The following DEPDC1B variants were observed in gnomAD, a reference collection of about 807,000 sequenced individuals.
The protein encoded by DEPDC1B is DEP domain-containing protein 1B.
A neutral mutation model predicts 66.5 loss-of-function variants in DEPDC1B; 51 were observed. The ratio of observed to expected loss-of-function variants is 0.77; its 90% CI spans 0.61 to 0.97. The LOEUF (loss-of-function observed/expected upper bound fraction) is 0.97. Ranked by LOEUF, DEPDC1B falls within the 50% of genes least tolerant of loss-of-function variation. The pLI, the probability that DEPDC1B is intolerant of heterozygous loss-of-function variation, is 0.00. For missense variants in DEPDC1B, 552 were observed against 637.1 expected (o/e 0.87, Z 1.44); for synonymous variants, 226 against 223.6 (o/e 1.01, Z -0.10).
intron 7 of DEPDC1B, among the ~76,000 whole-genome samples, chr5:60,609,551 C>A (rs1160621611): frequency 1.3e-5 from 2 of 152,124 alleles, no homozygotes; most frequent in African/African-American, 4.8e-5. Flanking sequence ...GCTAAAAGAG[C>A]AGCATGAAAG....
At position 60,661,268 on chromosome 5, in the gene DEPDC1B, G is replaced by A. The variant is rs368930650; in HGVS notation, c.315-13735C>T. Among the ~76,000 whole-genome samples the A allele has an allele frequency of 9.2e-5, 14 of 152,200 alleles. No individual in the cohort carries two copies. In the East Asian group the frequency reaches 1.5e-3, roughly 17 times the overall value. ...CAGAAGCCTGGAACCCTTTCTTTGTGGTCAAGAAAAGCAGGAAAAGGGGTG... is the reference window on the plus strand; with the variant it reads ...CAGAAGCCTGGAACCCTTTCTTTGTAGTCAAGAAAAGCAGGAAAAGGGGTG... On this transcript the variant is annotated intron_variant, in intron 2 of 10. Transcript: ENST00000265036.
At chr5:60,645,117 A>C (rs1753279799) in intron 4 of DEPDC1B, among the ~76,000 whole-genome samples, 1 of 152,198 alleles carries the variant, frequency 6.6e-6, no homozygotes, top group Non-Finnish European at 1.5e-5. Context: ...TAATTTTGTA[A>C]GTAAAAATAC....
chr5:60,639,230 T>G (rs1310685401), intron 6 of DEPDC1B, among the ~76,000 whole-genome samples: 1 of 152,202 alleles, frequency 6.6e-6, no homozygotes, highest in African/African-American at 2.4e-5. Context: ...TAAACAATAA[T>G]TTTCTTTGAA....
At chr5:60,635,510 T>A (rs547222097) in intron 7 of DEPDC1B, among the ~76,000 whole-genome samples, 2 of 152,362 alleles carry the variant, frequency 1.3e-5, no homozygotes, top group South Asian at 4.1e-4. Context: ...CAAAGAGCTA[T>A]TATCTCAGTA....
intron 8 of DEPDC1B, 47 bp downstream of exon 8, chr5:60,605,643 C>T (rs751115616): frequency 6.9e-6 from 11 of 1,588,452 alleles, no homozygotes; most frequent in South Asian, 2.3e-5. Context: ...CTTACTCAGT[C>T]GACTTTCATT....
chr5:60,605,862 T>TA lies in DEPDC1B; in HGVS notation c.899-7_899-6insT. 2 of 1,595,688 alleles carry TA rather than the reference T, an allele frequency of 1.3e-6. No individual in the cohort carries two copies. The highest frequency in any genetic ancestry group is 1.8e-5 in the Admixed American group (1 of 55,752). On this transcript the variant is annotated splice_region_variant and splice_polypyrimidine_tract_variant and intron_variant, in intron 7 of 10. Coordinates refer to ENST00000265036, the MANE Select transcript of DEPDC1B (RefSeq NM_018369.3). ...TTTCTCCTTCTGTAACAAACCTGAT[T>TA]TAGAAAAAAAAAAATGTTATCTTTC...
At chr5:60,606,134 C>T (rs1584021965) in intron 7 of DEPDC1B, among the ~76,000 whole-genome samples, 2 of 152,276 alleles carry the variant, frequency 1.3e-5, no homozygotes, top group East Asian at 1.9e-4. Context: ...AGCACTCTTT[C>T]CCGAACCAGG....
At chr5:60,638,728 T>C in intron 7 of DEPDC1B, 22 bp downstream of exon 7, 1 of 1,588,444 alleles carries the variant, frequency 6.3e-7, no homozygotes, top group Non-Finnish European at 8.6e-7. Flanking sequence ...TGTAGATATA[T>C]GTTCATTATA....
At chr5:60,607,049 A>G (rs1752325503) in intron 7 of DEPDC1B, among the ~76,000 whole-genome samples, 1 of 152,212 alleles carries the variant, frequency 6.6e-6, no homozygotes, top group African/African-American at 2.4e-5. Context: ...TCCTTTGAAG[A>G]GCTTATGCAC....
intron 2 of DEPDC1B, among the ~76,000 whole-genome samples, chr5:60,664,712 G>A (rs1195397178): frequency 6.6e-6 from 1 of 152,184 alleles, no homozygotes. Context: ...TGGAATACTT[G>A]AAAGTAATCC....
At chr5:60,650,066 C>T (rs1016573112) in intron 2 of DEPDC1B, among the ~76,000 whole-genome samples, 2 of 151,772 alleles carry the variant, frequency 1.3e-5, no homozygotes, top group African/African-American at 4.8e-5. Context: ...TAAACTTATT[C>T]CAAACCAGGC....
chr5:60,681,323 C>T (rs895793296), intron 2 of DEPDC1B, among the ~76,000 whole-genome samples: 2 of 152,214 alleles, frequency 1.3e-5, no homozygotes, highest in African/African-American at 4.8e-5. Flanking sequence ...CTGGCATCTA[C>T]ATCATCAGAA....
intron 7 of DEPDC1B, among the ~76,000 whole-genome samples, chr5:60,637,425 C>T (rs1041815295): frequency 4.6e-5 from 7 of 152,160 alleles, no homozygotes; most frequent in Non-Finnish European, 8.8e-5. Flanking sequence ...GTAAAAGCTC[C>T]CTTAGGACTC....
intron 3 of DEPDC1B, among the ~76,000 whole-genome samples, chr5:60,646,316 C>A (rs1192772303): frequency 6.6e-6 from 1 of 152,142 alleles, no homozygotes; most frequent in Non-Finnish European, 1.5e-5. Flanking sequence ...TATATTTGGT[C>A]AGGGGCTAGT....
rs142213854 is a variant in DEPDC1B at position 60,652,992 on chromosome 5, T to G, written c.315-5459A>C. ...GTGTATATTTATACACACCATATTT[T>G]CTTTATCCACTCATTGATTAATGGG... On this transcript the variant is annotated intron_variant, in intron 2 of 10. Coordinates refer to ENST00000265036, the MANE Select transcript of DEPDC1B (RefSeq NM_018369.3). 8.5e-4 allele frequency among the ~76,000 whole-genome samples: 127 copies of G among 149,546 alleles called. 16 individuals carry two copies. Among genetic ancestry groups the G allele is most frequent in the African/African-American group, 2.9e-3 (116 of 39,840 alleles).
intron 1 of DEPDC1B, among the ~76,000 whole-genome samples, chr5:60,696,677 T>C (rs899143687): frequency 1.3e-5 from 2 of 152,356 alleles, no homozygotes; most frequent in East Asian, 3.9e-4. Context: ...AAAACAGATT[T>C]GTTTTATGAT....
chr5:60,686,922 C>A (rs768293007), intron 2 of DEPDC1B, 40 bp downstream of exon 2: 1 of 1,607,158 alleles, frequency 6.2e-7, no homozygotes, highest in East Asian at 2.2e-5. Flanking sequence ...TCACTCATCT[C>A]CCCAATTCCT....
At chr5:60,612,421 T>C (rs1207447093) in intron 7 of DEPDC1B, among the ~76,000 whole-genome samples, 1 of 97,308 alleles carries the variant, frequency 1.0e-5, no homozygotes, top group Admixed American at 1.2e-4. Context: ...AGACTCCACC[T>C]AAAAAAAAAA....
At chr5:60,599,033 G>A in intron 10 of DEPDC1B, 42 bp downstream of exon 10, 1 of 1,494,598 alleles carries the variant, frequency 6.7e-7, no homozygotes, top group Non-Finnish European at 9.0e-7. Flanking sequence ...CATAAAAACA[G>A]TAGGGAGGAG....
Sources: allele counts gnomAD v4.1 joint callset (sites outside exome capture counted in the v4.1 genomes callset), GRCh38; gene constraint gnomAD v4.1.1; transcripts MANE v1.5; gene names NCBI Gene and HGNC (gene_info 2026-07-23, HGNC 2026-07-21).